Variants in NBPF11 observed in about 807,000 individuals in gnomAD.
NBPF11 encodes the protein NBPF family member NBPF11.
In NBPF11, 72 loss-of-function variants were observed where a neutral mutation model predicts 93.9. That is an observed-to-expected ratio of 0.77 (90% CI 0.63 to 0.93). The LOEUF (loss-of-function observed/expected upper bound fraction) is 0.93. Ranked by LOEUF, NBPF11 falls within the 40% of genes least tolerant of loss-of-function variation. The pLI, the probability that NBPF11 is intolerant of heterozygous loss-of-function variation, is 0.00. For missense variants in NBPF11, 705 were observed against 802.2 expected, an observed-to-expected ratio of 0.88 and a Z score of 1.46; for synonymous variants, 224 against 304.9, an observed-to-expected ratio of 0.73 and a Z score of 2.76.
intron 3 of NBPF11, 120 bp from the exon 4 acceptor site, chr1:148,135,933 T>A (rs1671204566): frequency 1.4e-6 from 1 of 718,244 alleles, no homozygotes; most frequent in Middle Eastern, 3.8e-4. Context: ...GAGAAGCTCA[T>A]ACTGGTCACA....
At chr1:148,108,280 C>A (rs1326537505) in intron 18 of NBPF11, among the ~76,000 whole-genome samples, 4 of 151,696 alleles carry the variant, frequency 2.6e-5, no homozygotes, top group Admixed American at 2.6e-4. Context: ...TGGCCTGAGA[C>A]TAGGAAGAGA....
rs1175448239 is a variant in NBPF11, at chr1:148,150,277, T to C, written c.-549+1473A>G. On this transcript the variant is annotated intron_variant, in intron 1 of 23. Coordinates refer to ENST00000682118, the MANE Select transcript of NBPF11 (RefSeq NM_001385469.3). ...GTTGACCACACACAGCTAATTTTTG[T>C]ATTTTTAGTAGAGATGGCATTTTGC... is the stretch of plus-strand genomic sequence containing the variant. 4.4e-3 allele frequency among the ~76,000 whole-genome samples: 655 copies of C among 147,664 alleles called. 17 individuals are homozygous for C. Among genetic ancestry groups the C allele is most frequent in the African/African-American group, 0.016 (625 of 39,128 alleles).
intron 9 of NBPF11, among the ~76,000 whole-genome samples, chr1:148,121,172 G>A (rs1306656791): frequency 1.3e-5 from 2 of 151,520 alleles, no homozygotes; most frequent in African/African-American, 2.4e-5. Context: ...AGCCTGCCAA[G>A]CATCTGGGAT....
intron 15 of NBPF11, among the ~76,000 whole-genome samples, chr1:148,111,782 G>A (rs1248526664): frequency 1.3e-5 from 2 of 151,668 alleles, no homozygotes; most frequent in Admixed American, 6.6e-5. Flanking sequence ...TTTGATTGGT[G>A]TACTGAAAGT....
intron 2 of NBPF11, among the ~76,000 whole-genome samples, chr1:148,141,304 T>C (rs1672126703): frequency 6.6e-6 from 1 of 152,010 alleles, no homozygotes; most frequent in Non-Finnish European, 1.5e-5. Context: ...GGACTTTAGT[T>C]GATAATGATG....
chr1:148,131,113 A>G (rs1282918913), intron 4 of NBPF11, among the ~76,000 whole-genome samples: 2 of 151,482 alleles, frequency 1.3e-5, no homozygotes, highest in African/African-American at 4.9e-5. Context: ...AGGCCTCCCT[A>G]AAAACTGTTT....
intron 4 of NBPF11, among the ~76,000 whole-genome samples, chr1:148,129,143 CAT>C (rs1377570101): frequency 7.1e-6 from 1 of 141,494 alleles, no homozygotes; most frequent in African/African-American, 2.7e-5. Context: ...TATATATACA[CAT>C]GTATATATAT....
In NBPF11 at chr1:148,108,488, T is replaced by A. The variant is rs1553267782; in HGVS notation, c.2020A>T (p.Met674Leu). ...TTCATAGAAAGGTACTCACCATCCA[T>A]GTCAACAGCCAAGCCAATACGCTGT... The part of the protein sequence containing the change: ...EQQRIGLAVD[M>L]DEIEKYQEVE... Residue 674 changes from methionine to leucine, a missense_variant, in exon 18 of 24, where the codon ATG becomes TTG. Met to Leu is a conservative substitution (Grantham distance 15). Coordinates refer to ENST00000682118, the MANE Select transcript of NBPF11 (RefSeq NM_001385469.3). 1.3e-6 allele frequency: 2 copies of A among 1,561,598 alleles called. No individual in the cohort carries two copies. The highest frequency in any genetic ancestry group is 1.1e-5 in the South Asian group (1 of 90,060).
intron 1 of NBPF11, chr1:148,146,856 G>C (rs1256442258): frequency 9.3e-6 from 15 of 1,613,656 alleles, no homozygotes; most frequent in Admixed American, 1.7e-5. Context: ...GTGCCAGCTC[G>C]GGCAGGCCTT....
intron 2 of NBPF11, among the ~76,000 whole-genome samples, chr1:148,138,704 G>A (rs1671728844): frequency 6.6e-6 from 1 of 151,206 alleles, no homozygotes; most frequent in Non-Finnish European, 1.5e-5. Context: ...GCGTCTCAAG[G>A]CAAAAGAATT....
intron 13 of NBPF11, among the ~76,000 whole-genome samples, 179 bp from the exon 14 acceptor site, chr1:148,116,177 A>AT (rs1666489098): frequency 6.6e-6 from 1 of 151,940 alleles, no homozygotes; most frequent in East Asian, 1.9e-4. Context: ...CATGGCTGCC[A>AT]TGGGAACCAG....
intron 12 of NBPF11, among the ~76,000 whole-genome samples, chr1:148,116,956 C>A (rs1234173006): frequency 6.6e-6 from 1 of 152,216 alleles, no homozygotes; most frequent in African/African-American, 2.4e-5. Context: ...GATTTCAAGC[C>A]TCCAAGTGGC....
chr1:148,129,289 T>G (rs1382131224), intron 4 of NBPF11, among the ~76,000 whole-genome samples: 2 of 147,640 alleles, frequency 1.4e-5, no homozygotes, highest in African/African-American at 5.0e-5. Flanking sequence ...ATATACAATA[T>G]ATATAACACG....
rs879347010 is a variant in NBPF11, at chr1:148,115,517, C to G, written c.1585+276G>C. Among the ~76,000 whole-genome samples, 695 of 149,238 alleles carry G rather than the reference C, an allele frequency of 4.7e-3. 2 individuals are homozygous for G. The highest frequency in any genetic ancestry group is 7.2e-3 in the Admixed American group (108 of 15,028). ...TCACAGATGACAAGAGATACTGAATCGAAGTTAGGAGGCCTGACAGATACT... is the reference window on the plus strand; with the variant it reads ...TCACAGATGACAAGAGATACTGAATGGAAGTTAGGAGGCCTGACAGATACT... On this transcript the variant is annotated intron_variant, in intron 14 of 23. Coordinates refer to ENST00000682118, the MANE Select transcript of NBPF11 (RefSeq NM_001385469.3).
intron 10 of NBPF11, among the ~76,000 whole-genome samples, chr1:148,120,028 C>T (rs1667467242): frequency 6.6e-6 from 1 of 151,694 alleles, no homozygotes; most frequent in Non-Finnish European, 1.5e-5. Flanking sequence ...CTTGAAGCCC[C>T]TCAGAGCGGG....
At chr1:148,151,080 C>G (rs1182431182) in intron 1 of NBPF11, among the ~76,000 whole-genome samples, 2 of 151,760 alleles carry the variant, frequency 1.3e-5, no homozygotes, top group African/African-American at 4.9e-5. Context: ...GGTGAAAGGA[C>G]GCCAAATGAG....
At chr1:148,148,380 G>A (rs2149313211) in intron 1 of NBPF11, among the ~76,000 whole-genome samples, 1 of 152,288 alleles carries the variant, frequency 6.6e-6, no homozygotes, top group East Asian at 1.9e-4. Context: ...TGGGCAGGGT[G>A]GCAGGTGGGT....
In NBPF11 at chr1:148,105,517, T is replaced by C; in HGVS notation, c.2315A>G (p.Glu772Gly). 3.3e-6 allele frequency: 3 copies of C among 920,344 alleles called. 1 individual carries two copies. The highest frequency in any genetic ancestry group is 3.7e-5 in the Admixed American group (2 of 53,756). The allele number at this position is 920,344 out of a possible 1,614,324, so 57.0% of individuals were successfully genotyped here. The change falls in exon 22 of 24, where the codon GAG (glutamate) becomes GGG (glycine). Residue 772 changes from glutamate (E) to glycine (G), a missense_variant. Transcript: ENST00000682118. ...QGPPCPRLSR[E>G]LLEVVEPEVL... ...TTCAGGCTCTACTACCTCCAGCAGC[T>C]CCCTGCTGAGCCTGGAAAAGGAGGA...
rs1291888198 is a variant in NBPF11, at chr1:148,103,857, C to A, written c.*39G>T. ...ATTGATGGAGTCGAATAATATCTATCCAGTGAGTCCTGTAAGACTTCAGGC... is the reference window on the plus strand; with the variant it reads ...ATTGATGGAGTCGAATAATATCTATACAGTGAGTCCTGTAAGACTTCAGGC... On this transcript the variant is annotated 3_prime_UTR_variant, in exon 24 of 24. Coordinates refer to ENST00000682118, the MANE Select transcript of NBPF11 (RefSeq NM_001385469.3). The A allele has an allele frequency of 6.2e-6, 10 of 1,611,334 alleles. No individual in the cohort carries two copies. In the East Asian group the frequency reaches 2.0e-4, roughly 32 times the overall value.
Sources: gnomAD v4.1 joint callset for allele counts (sites outside exome capture counted in the v4.1 genomes callset) on GRCh38, gnomAD v4.1.1 for gene constraint, MANE v1.5 for transcripts, NCBI Gene and HGNC (gene_info 2026-07-23, HGNC 2026-07-21) for gene names.